Variants in KCNIP4 observed in about 807,000 individuals in gnomAD.
The protein encoded by KCNIP4 is Kv channel-interacting protein 4.
KCNIP4 carries 12 observed loss-of-function variants against 34.0 expected under a neutral mutation model. That is an observed-to-expected ratio of 0.35 (90% CI 0.23 to 0.57). KCNIP4 has a LOEUF of 0.57. Ranked by LOEUF, KCNIP4 falls within the 20% of genes least tolerant of loss-of-function variation. The pLI is 0.83. For synonymous variants in KCNIP4, 124 were observed against 102.2 expected (o/e 1.21, Z -1.29); for missense variants, 238 against 311.7 (o/e 0.76, Z 1.78).
At chr4:20,749,368 G>A (rs1192218993) in intron 5 of KCNIP4, among the ~76,000 whole-genome samples, 1 of 152,118 alleles carries the variant, frequency 6.6e-6, no homozygotes, top group Non-Finnish European at 1.5e-5. Flanking sequence ...TGGCCCATAA[G>A]GAGGTGTCAG....
chr4:21,429,103 T>C (rs1037376563), intron 1 of KCNIP4, among the ~76,000 whole-genome samples: 2 of 152,240 alleles, frequency 1.3e-5, no homozygotes, highest in African/African-American at 4.8e-5. Context: ...ATAGGTTCAC[T>C]GCCTTAAAAA....
intron 1 of KCNIP4, among the ~76,000 whole-genome samples, chr4:21,084,597 G>A (rs1006985709): frequency 2.0e-5 from 3 of 148,674 alleles, no homozygotes; most frequent in African/African-American, 2.5e-5. Context: ...TACAGTCAAA[G>A]TCCATTCTTA....
chr4:21,415,555 A>T (rs1724882808), intron 1 of KCNIP4, among the ~76,000 whole-genome samples: 1 of 151,390 alleles, frequency 6.6e-6, no homozygotes, highest in Admixed American at 6.6e-5. Context: ...AAAAAAAATT[A>T]GCCAGGTGTG....
At chr4:21,606,902 T>G (rs1332561773) in intron 1 of KCNIP4, among the ~76,000 whole-genome samples, 1 of 152,158 alleles carries the variant, frequency 6.6e-6, no homozygotes, top group Non-Finnish European at 1.5e-5. Flanking sequence ...AATTGAGTTC[T>G]CAAATCGTAT....
intron 1 of KCNIP4, among the ~76,000 whole-genome samples, chr4:21,290,147 C>T (rs913409034): frequency 6.6e-6 from 1 of 152,048 alleles, no homozygotes; most frequent in African/African-American, 2.4e-5. Context: ...AACTGTTTGA[C>T]TTGAAGTTGA....
intron 1 of KCNIP4, among the ~76,000 whole-genome samples, chr4:20,998,300 CA>C (rs1737754682): frequency 6.6e-6 from 1 of 152,166 alleles, no homozygotes. Flanking sequence ...GAAGCCCTAT[CA>C]ATCCCAAGTG....
intron 1 of KCNIP4, among the ~76,000 whole-genome samples, chr4:21,205,282 C>T (rs1756772959): frequency 2.0e-5 from 3 of 152,114 alleles, no homozygotes; most frequent in Admixed American, 2.0e-4. Context: ...ATGACTTTGC[C>T]TGCATCTTTA....
chr4:21,188,951 G>A (rs552095245), intron 1 of KCNIP4, among the ~76,000 whole-genome samples: 1 of 152,300 alleles, frequency 6.6e-6, no homozygotes, highest in South Asian at 2.1e-4. Context: ...TGAGGAGACA[G>A]CTGTAGAGTT....
intron 1 of KCNIP4, among the ~76,000 whole-genome samples, chr4:21,617,786 G>A (rs1355387591): frequency 1.3e-5 from 2 of 152,140 alleles, no homozygotes; most frequent in Non-Finnish European, 2.9e-5. Flanking sequence ...GATCTGGGCT[G>A]TTTCAAACAC....
At chr4:21,265,434 TTACAAAC>T (rs760001094) in intron 1 of KCNIP4, among the ~76,000 whole-genome samples, 1 of 152,044 alleles carries the variant, frequency 6.6e-6, no homozygotes, top group Non-Finnish European at 1.5e-5. Context: ...ACGATCGGAG[TTACAAAC>T]TACAAAGTCC....
At chr4:21,414,103 T>G (rs1577324735) in intron 1 of KCNIP4, among the ~76,000 whole-genome samples, 1 of 151,600 alleles carries the variant, frequency 6.6e-6, no homozygotes, top group Non-Finnish European at 1.5e-5. Flanking sequence ...AATCTATAAG[T>G]AAATATAGAG....
At chr4:21,201,730 C>T (rs1181907522) in intron 1 of KCNIP4, among the ~76,000 whole-genome samples, 1 of 152,196 alleles carries the variant, frequency 6.6e-6, no homozygotes, top group African/African-American at 2.4e-5. Context: ...GACCTCCTGA[C>T]CTCATAATCC....
At chr4:21,237,293 A>G (rs1306226994) in intron 1 of KCNIP4, among the ~76,000 whole-genome samples, 1 of 152,200 alleles carries the variant, frequency 6.6e-6, no homozygotes, top group Non-Finnish European at 1.5e-5. Flanking sequence ...AGCTTATTTT[A>G]TAACGAGGGA....
At chr4:21,823,258 T>G (rs1722477386) in intron 1 of KCNIP4, among the ~76,000 whole-genome samples, 1 of 152,074 alleles carries the variant, frequency 6.6e-6, no homozygotes, top group South Asian at 2.1e-4. Flanking sequence ...ATATTATCAA[T>G]TAAACAGTAC....
At chr4:21,628,640 T>C (rs1377009594) in intron 1 of KCNIP4, among the ~76,000 whole-genome samples, 1 of 152,208 alleles carries the variant, frequency 6.6e-6, no homozygotes, top group East Asian at 1.9e-4. Flanking sequence ...TTTTTAATGC[T>C]AACCACAGTT....
At chr4:21,762,935 G>A (rs765258060) in intron 1 of KCNIP4, 3 of 1,288,694 alleles carry the variant, frequency 2.3e-6, no homozygotes, top group Non-Finnish European at 3.0e-6. Context: ...TGATCTGACA[G>A]GTGCTCCCAC....
At chr4:20,734,557 G>A in intron 6 of KCNIP4, 71 bp downstream of exon 6, 1 of 725,566 alleles carries the variant, frequency 1.4e-6, no homozygotes, top group Admixed American at 2.8e-5. Context: ...ATTAATAATT[G>A]CAATTAATAT....
intron 1 of KCNIP4, among the ~76,000 whole-genome samples, chr4:21,333,214 G>A (rs1267410172): frequency 6.6e-6 from 1 of 151,740 alleles, no homozygotes; most frequent in Admixed American, 6.6e-5. Context: ...AATAATACTT[G>A]TCTTTATTCA....
chr4:20,949,030 C>A (rs1732490538), intron 1 of KCNIP4, among the ~76,000 whole-genome samples: 1 of 152,104 alleles, frequency 6.6e-6, no homozygotes, highest in South Asian at 2.1e-4. Context: ...GAGTAACTCC[C>A]TATAGGTCAC....
Sources: allele counts gnomAD v4.1 joint callset (sites outside exome capture counted in the v4.1 genomes callset), GRCh38; gene constraint gnomAD v4.1.1; transcripts MANE v1.5; gene names NCBI Gene and HGNC (gene_info 2026-07-23, HGNC 2026-07-21).